Variants in BACH1 observed in about 807,000 individuals in gnomAD.
BACH1 encodes the protein BTB domain and CNC homolog 1.
Under a neutral mutation model 52.9 loss-of-function variants are expected in BACH1, and 35 were observed. The observed-to-expected ratio is 0.66, with a 90% CI of 0.51 to 0.88. BACH1 has a LOEUF of 0.88. Ranked by LOEUF, BACH1 falls within the 40% of genes least tolerant of loss-of-function variation. The pLI, the probability that BACH1 is intolerant of heterozygous loss-of-function variation, is 0.00. For missense variants in BACH1, 808 were observed against 872.6 expected, an observed-to-expected ratio of 0.93 and a Z score of 0.93; for synonymous variants, 321 against 319.6, an observed-to-expected ratio of 1.00 and a Z score of -0.05.
intron 1 of BACH1, among the ~76,000 whole-genome samples, chr21:29,310,374 C>G (rs911472938): frequency 8.5e-5 from 13 of 152,146 alleles, no homozygotes; most frequent in African/African-American, 2.9e-4. Context: ...TCTTACCATG[C>G]TAATATTTTA....
intron 2 of BACH1, among the ~76,000 whole-genome samples, chr21:29,322,733 G>GCCTA (rs1350871742): frequency 2.0e-5 from 3 of 151,934 alleles, no homozygotes; most frequent in Admixed American, 2.0e-4. Context: ...TGCTGTCCAT[G>GCCTA]CCTACTTCTG....
chr21:29,328,915 G>A (rs1340107606), intron 3 of BACH1, among the ~76,000 whole-genome samples: 2 of 152,162 alleles, frequency 1.3e-5, no homozygotes, highest in Non-Finnish European at 2.9e-5. Context: ...GTATTCCTTT[G>A]TGTATATACA....
intron 2 of BACH1, among the ~76,000 whole-genome samples, chr21:29,321,916 CATACCTG>C (rs1266360581): frequency 6.6e-6 from 1 of 152,064 alleles, no homozygotes. Context: ...CTAATAAAGA[CATACCTG>C]AAACTGGGTA....
intron 2 of BACH1, among the ~76,000 whole-genome samples, chr21:29,357,439 C>T (rs2089241806): frequency 1.3e-5 from 2 of 152,308 alleles, no homozygotes; most frequent in East Asian, 1.9e-4. Flanking sequence ...GGGTTGAGGG[C>T]CACGCATGTA....
At position 29,321,528 on chromosome 21, in the gene BACH1, GT is replaced by G. The variant is rs2088848324; in HGVS notation, c.234+19del. ...CTTCCAGAAGAGGTGAGAGATCCAT[GT>G]TTTTGGCAATTTTAATCTACTTTTA... On this transcript the variant is annotated intron_variant, in intron 2 of 4. Transcript: ENST00000286800. 2 of 1,603,930 alleles carry G rather than the reference GT, an allele frequency of 1.2e-6. No homozygotes were observed. The highest frequency in any genetic ancestry group is 1.7e-6 in the Non-Finnish European group (2 of 1,172,118).
rs142524709 is a variant in BACH1 at position 29,327,264 on chromosome 21, C to T, written c.1440C>T (p.Asn480=). The T allele has an allele frequency of 8.7e-6, 14 of 1,614,036 alleles. No individual in the cohort carries two copies. Among genetic ancestry groups the T allele is most frequent in the Admixed American group, 8.3e-5 (5 of 60,012 alleles). Residue 480 remains asparagine (N), a synonymous_variant, in exon 3 of 5, where the codon AAC becomes AAT. Transcript: ENST00000286800. ...EGCSSNLEIG[N]DDYVSEPQQE... Reference sequence around the variant, plus strand: ...GTTCAAGCAATTTGGAAATTGGAAACGATGATTATGTTTCAGAACCCCAGC... The same window carrying T: ...GTTCAAGCAATTTGGAAATTGGAAATGATGATTATGTTTCAGAACCCCAGC...
intron 2 of BACH1, 62 bp downstream of exon 2, chr21:29,321,576 A>G: frequency 1.4e-6 from 2 of 1,452,656 alleles, no homozygotes; most frequent in South Asian, 2.5e-5. Context: ...TATGGTTCAT[A>G]ATGTTGAAAA....
chr21:29,301,069 C>G (rs890650172), intron 1 of BACH1, among the ~76,000 whole-genome samples: 1 of 151,748 alleles, frequency 6.6e-6, no homozygotes, highest in African/African-American at 2.4e-5. Flanking sequence ...GGAATTTGGC[C>G]CTTTGGTGAA....
chr21:29,309,950 T>C (rs190252217), intron 1 of BACH1, among the ~76,000 whole-genome samples: 1 of 152,344 alleles, frequency 6.6e-6, no homozygotes, highest in African/African-American at 2.4e-5. Flanking sequence ...TTTGCCCTTG[T>C]TCACATGGCT....
chr21:29,338,822 T>A (rs1009844315), intron 4 of BACH1, among the ~76,000 whole-genome samples: 10 of 152,168 alleles, frequency 6.6e-5, no homozygotes, highest in Admixed American at 2.6e-4. Flanking sequence ...TTTTCATTAG[T>A]TTCTGGATTT....
chr21:29,357,965 A>G (rs1285578802), intron 2 of BACH1, among the ~76,000 whole-genome samples: 1 of 151,972 alleles, frequency 6.6e-6, no homozygotes, highest in Non-Finnish European at 1.5e-5. Context: ...CGCTTCTCCC[A>G]CTCACCTAGT....
At chr21:29,312,826 T>G (rs568773517) in intron 1 of BACH1, among the ~76,000 whole-genome samples, 1 of 152,262 alleles carries the variant, frequency 6.6e-6, no homozygotes, top group East Asian at 1.9e-4. Context: ...TAGATGTTGG[T>G]TCTCCCCAAA....
At chr21:29,359,665 C>T (rs1365608093) in intron 2 of BACH1, among the ~76,000 whole-genome samples, 2 of 151,924 alleles carry the variant, frequency 1.3e-5, no homozygotes, top group African/African-American at 4.8e-5. Context: ...TCAGACAAAC[C>T]TGCCTCCCAT....
At chr21:29,332,701 G>A (rs1166485743) in intron 4 of BACH1, among the ~76,000 whole-genome samples, 1 of 152,202 alleles carries the variant, frequency 6.6e-6, no homozygotes, top group Non-Finnish European at 1.5e-5. Context: ...GGTGGCTGTG[G>A]CACAATGCCT....
At chr21:29,317,619 G>C (rs2088802993) in intron 1 of BACH1, among the ~76,000 whole-genome samples, 1 of 152,226 alleles carries the variant, frequency 6.6e-6, no homozygotes, top group Non-Finnish European at 1.5e-5. Flanking sequence ...CATAGGACTT[G>C]AGGACGTGTT....
At chr21:29,300,354 C>T (rs1326958907) in intron 1 of BACH1, among the ~76,000 whole-genome samples, 1 of 152,180 alleles carries the variant, frequency 6.6e-6, no homozygotes, top group Non-Finnish European at 1.5e-5. Context: ...TAATTAGAAA[C>T]AGCTGGTGCA....
chr21:29,323,581 A>G (rs572054587), intron 2 of BACH1, among the ~76,000 whole-genome samples: 1 of 152,098 alleles, frequency 6.6e-6, no homozygotes, highest in Admixed American at 6.5e-5. Flanking sequence ...GATGGTGCCC[A>G]CCCATATTGA....
intron 4 of BACH1, among the ~76,000 whole-genome samples, chr21:29,338,709 T>C (rs183121862): frequency 4.6e-5 from 7 of 152,350 alleles, no homozygotes; most frequent in Admixed American, 6.5e-5. Flanking sequence ...AAAACGTTTA[T>C]ATGGTTCAAA....
rs1441336641 is a variant in BACH1 at position 29,298,933 on chromosome 21, C to G, written c.-81C>G. 1 of 150,810 alleles carries G rather than the reference C, an allele frequency of 6.6e-6. No homozygotes were observed. The highest frequency in any genetic ancestry group is 6.6e-5 in the Admixed American group (1 of 15,260). The allele number at this position is 150,810 out of a possible 1,614,324, so 9.3% of individuals were successfully genotyped here. A position where few individuals can be genotyped will look rare whatever the true frequency, so the allele number is the denominator to read the frequency against. On this transcript the variant is annotated 5_prime_UTR_variant, in exon 1 of 5. Coordinates refer to ENST00000286800, the MANE Select transcript of BACH1 (RefSeq NM_001186.4). The stretch of plus-strand genomic sequence containing the variant: ...GGCGCTCTCGCTTCAGTCAGTCGGG[C>G]CGCGCCGCGCCTCAGCTCTGGTGAG...
Sources: gnomAD v4.1 joint callset for allele counts (sites outside exome capture counted in the v4.1 genomes callset) on GRCh38, gnomAD v4.1.1 for gene constraint, MANE v1.5 for transcripts, NCBI Gene and HGNC (gene_info 2026-07-23, HGNC 2026-07-21) for gene names.